The following NLGN1 variants were observed in gnomAD, a reference collection of about 807,000 sequenced individuals.
NLGN1 encodes neuroligin-1.
In NLGN1, 12 loss-of-function variants were observed where a neutral mutation model predicts 65.5. The observed-to-expected ratio is 0.18, with a 90% confidence interval of 0.12 to 0.30. The LOEUF (loss-of-function observed/expected upper bound fraction) is 0.30. NLGN1 is among the 10% of genes least tolerant of loss of function. The pLI, the probability that NLGN1 is intolerant of heterozygous loss-of-function variation, is 1.00. For synonymous variants in NLGN1, 350 were observed against 359.5 expected, an observed-to-expected ratio of 0.97 and a Z score of 0.30; for missense variants, 750 against 1,007.1, an observed-to-expected ratio of 0.74 and a Z score of 3.46.
intron 4 of NLGN1, among the ~76,000 whole-genome samples, chr3:174,005,850 T>C (rs1011308780): frequency 6.6e-6 from 1 of 152,146 alleles, no homozygotes; most frequent in African/African-American, 2.4e-5. Flanking sequence ...GTCCTGTTTT[T>C]CCCGTCTGTA....
chr3:173,422,346 TG>T (rs1715254941), intron 1 of NLGN1, among the ~76,000 whole-genome samples: 1 of 152,196 alleles, frequency 6.6e-6, no homozygotes, highest in Admixed American at 6.5e-5. Context: ...GAGAGTAGAA[TG>T]GCGGTTACCG....
intron 2 of NLGN1, among the ~76,000 whole-genome samples, chr3:173,534,056 G>A (rs1484415972): frequency 1.3e-5 from 2 of 152,122 alleles, no homozygotes; most frequent in Admixed American, 1.3e-4. Flanking sequence ...TTTGCTAAGT[G>A]ACTTTAATTA....
At chr3:174,289,241 A>T (rs1356709871), downstream of NLGN1, among the ~76,000 whole-genome samples, 3 of 151,430 alleles carry the variant, frequency 2.0e-5, no homozygotes, top group Non-Finnish European at 4.4e-5. Flanking sequence ...AAACTCCCAC[A>T]TACCACCCTC....
intron 3 of NLGN1, among the ~76,000 whole-genome samples, chr3:173,620,410 T>G (rs1414744171): frequency 6.6e-6 from 1 of 152,130 alleles, no homozygotes; most frequent in Non-Finnish European, 1.5e-5. Context: ...CTCCTTGACC[T>G]GATGTCCTTA....
intron 4 of NLGN1, among the ~76,000 whole-genome samples, chr3:174,120,803 A>G (rs1717614141): frequency 6.6e-6 from 1 of 152,168 alleles, no homozygotes; most frequent in African/African-American, 2.4e-5. Flanking sequence ...TAAACCTCAA[A>G]AAGATAGTTT....
chr3:173,768,552 T>G (rs759610187), intron 3 of NLGN1, among the ~76,000 whole-genome samples: 3 of 152,186 alleles, frequency 2.0e-5, no homozygotes, highest in Non-Finnish European at 2.9e-5. Context: ...TTACACCTTA[T>G]GTATCACATA....
Position 173,649,218 on chromosome 3 carries a change from T to A in NLGN1, c.493+44127T>A, listed in dbSNP as rs534092420. Among the ~76,000 whole-genome samples, 11 of 151,776 alleles carry A rather than the reference T, an allele frequency of 7.2e-5. No individual in the cohort carries two copies. In the South Asian group the frequency reaches 2.3e-3, roughly 32 times the overall value. ...ACTATAGTAACAGAAAGAATATGAG[T>A]GGTTGCTGGATGGGACACTGGGGAA... On this transcript the variant is annotated intron_variant, in intron 3 of 6. Coordinates refer to ENST00000457714, the Ensembl canonical transcript of NLGN1.
At position 174,058,212 on chromosome 3, in the gene NLGN1, G is replaced by A. The variant is rs140959022; in HGVS notation, c.647-217103G>A. Among the ~76,000 whole-genome samples the A allele has an allele frequency of 1.3e-4, 20 of 152,244 alleles. 1 individual carries two copies. Among genetic ancestry groups the A allele is most frequent in the Non-Finnish European group, 2.8e-4 (19 of 68,020 alleles). ...CAGTTTGTGCATCGGGAATTAGCCA[G>A]AGAGGCAGTTTTTATTTTCACAGTT... On this transcript the variant is annotated intron_variant, in intron 4 of 6. Coordinates refer to ENST00000457714, the Ensembl canonical transcript of NLGN1.
chr3:173,398,193 C>T (rs1044862740), upstream of NLGN1: 2 of 152,238 alleles, frequency 1.3e-5, no homozygotes, highest in Non-Finnish European at 2.9e-5. Context: ...CGGCGGAGCG[C>T]AGAGGAGCTG....
At chr3:174,290,201 G>A (rs531406948), downstream of NLGN1, among the ~76,000 whole-genome samples, 89 of 150,830 alleles carry the variant, frequency 5.9e-4, no homozygotes, top group African/African-American at 2.1e-3. Context: ...AAAAGAATCA[G>A]CAGCAAAGAC....
chr3:173,623,417 T>C (rs993832367), intron 3 of NLGN1, among the ~76,000 whole-genome samples: 2 of 151,822 alleles, frequency 1.3e-5, no homozygotes, highest in Non-Finnish European at 2.9e-5. Context: ...ATTGTGAATG[T>C]GTTTTGGATG....
chr3:173,810,229 G>A (rs1024206001), intron 4 of NLGN1, among the ~76,000 whole-genome samples: 2 of 152,130 alleles, frequency 1.3e-5, no homozygotes, highest in African/African-American at 2.4e-5. Context: ...CATGAGTGCC[G>A]CACCACAGCA....
At position 173,748,110 on chromosome 3, in the gene NLGN1, T is replaced by C. The variant is rs1406318292; in HGVS notation, c.494-59570T>C. 2.0e-5 allele frequency among the ~76,000 whole-genome samples: 3 copies of C among 151,990 alleles called. No individual in the cohort carries two copies. In the East Asian group the frequency reaches 5.8e-4, roughly 29 times the overall value. On this transcript the variant is annotated intron_variant, in intron 3 of 6. Coordinates refer to ENST00000457714, the Ensembl canonical transcript of NLGN1. ...CCACCACACCTGGCCTGAAAACATA[T>C]ATTTAGGAGCGTAAAATCTAGTAAA...
intron 4 of NLGN1, among the ~76,000 whole-genome samples, chr3:174,141,108 G>T (rs1306769681): frequency 6.6e-6 from 1 of 151,974 alleles, no homozygotes; most frequent in Non-Finnish European, 1.5e-5. Flanking sequence ...CATTTTTCTG[G>T]TTTTCTTTAG....
intron 3 of NLGN1, among the ~76,000 whole-genome samples, chr3:173,706,370 A>T (rs1309156149): frequency 6.6e-6 from 1 of 152,200 alleles, no homozygotes; most frequent in Non-Finnish European, 1.5e-5. Flanking sequence ...TAGACTTTTC[A>T]AATTATTTTA....
chr3:173,561,006 A>G (rs1742639807), intron 2 of NLGN1, among the ~76,000 whole-genome samples: 1 of 152,228 alleles, frequency 6.6e-6, no homozygotes, highest in South Asian at 2.1e-4. Context: ...AACTATCATC[A>G]TACAGCGGGG....
chr3:173,466,741 A>G (rs1268657916), intron 2 of NLGN1, among the ~76,000 whole-genome samples: 1 of 152,224 alleles, frequency 6.6e-6, no homozygotes, highest in Non-Finnish European at 1.5e-5. Flanking sequence ...TTAAATTTAG[A>G]TTTGGAAAAC....
chr3:174,147,419 C>CTTTTTTTTTTTT (rs574298501), intron 4 of NLGN1, among the ~76,000 whole-genome samples: 3 of 36,260 alleles, frequency 8.3e-5, no homozygotes, highest in African/African-American at 2.7e-4. Context: ...TGGCTCATGG[C>CTTTTTTTTTTTT]TTTTTTTTTT....
At chr3:173,578,387 TTAATTATG>T (rs575919251) in intron 2 of NLGN1, among the ~76,000 whole-genome samples, 117 of 152,292 alleles carry the variant, frequency 7.7e-4, no homozygotes, top group African/African-American at 2.8e-3. Context: ...GTGTTTACTT[TTAATTATG>T]TAATTAGCAT....
Sources: allele counts gnomAD v4.1 joint callset (sites outside exome capture counted in the v4.1 genomes callset), GRCh38; gene constraint gnomAD v4.1.1; transcripts MANE v1.5; gene names NCBI Gene and HGNC (gene_info 2026-07-23, HGNC 2026-07-21).